VPS41: variants seen among roughly 807,000 people sequenced by gnomAD.
VPS41 encodes the protein VPS41 subunit of HOPS complex.
A neutral mutation model predicts 130.9 loss-of-function variants in VPS41; 85 were observed. The observed-to-expected ratio is 0.65, with a 90% CI of 0.55 to 0.78. VPS41 has a LOEUF of 0.78. VPS41 is among the 30% of genes least tolerant of loss of function. VPS41 has a pLI of 0.00. For synonymous variants in VPS41, 335 were observed against 332.9 expected, an observed-to-expected ratio of 1.01 and a Z score of -0.07; for missense variants, 874 against 1,018.7, an observed-to-expected ratio of 0.86 and a Z score of 1.93.
At chr7:38,837,269 T>C (rs1298700331) in intron 4 of VPS41, among the ~76,000 whole-genome samples, 1 of 151,998 alleles carries the variant, frequency 6.6e-6, no homozygotes, top group Non-Finnish European at 1.5e-5. Context: ...AATCATTTAG[T>C]GGGTGGGGGC....
chr7:38,735,953 T>C (rs1181886253), intron 25 of VPS41, among the ~76,000 whole-genome samples: 1 of 152,096 alleles, frequency 6.6e-6, no homozygotes, highest in Non-Finnish European at 1.5e-5. Flanking sequence ...GATGGACAAT[T>C]TGTCATTTTT....
At chr7:38,766,648 T>C (rs1436482294) in intron 15 of VPS41, among the ~76,000 whole-genome samples, 1 of 152,144 alleles carries the variant, frequency 6.6e-6, no homozygotes, top group Non-Finnish European at 1.5e-5. Flanking sequence ...CCCCACATCA[T>C]GGGAGTGACC....
intron 4 of VPS41, among the ~76,000 whole-genome samples, chr7:38,837,746 T>C (rs1437370100): frequency 2.6e-5 from 4 of 152,210 alleles, no homozygotes; most frequent in Non-Finnish European, 2.9e-5. Flanking sequence ...ACTTACAGTA[T>C]TTGTATATCA....
intron 2 of VPS41, among the ~76,000 whole-genome samples, chr7:38,872,466 C>A (rs970796966): frequency 1.3e-5 from 2 of 152,162 alleles, no homozygotes; most frequent in Admixed American, 1.3e-4. Flanking sequence ...CAGGCTATTT[C>A]GTGTCTACTG....
intron 5 of VPS41, among the ~76,000 whole-genome samples, chr7:38,829,597 G>A (rs1474583303): frequency 6.6e-6 from 1 of 152,158 alleles, no homozygotes; most frequent in Non-Finnish European, 1.5e-5. Flanking sequence ...ATTCTTATAA[G>A]TGGAAAATCA....
rs1795592236 is a variant in VPS41 at position 38,728,490 on chromosome 7, C to T, written c.2404+52G>A. 4 of 1,601,288 alleles carry T rather than the reference C, an allele frequency of 2.5e-6. No homozygotes were observed. In the East Asian group the frequency reaches 8.9e-5, roughly 36 times the overall value. ...TTGGCTAATTCCAAAATTTTGATTCCACTCATCATTAAAATACATGTTTGG... is the reference window on the plus strand; with the variant it reads ...TTGGCTAATTCCAAAATTTTGATTCTACTCATCATTAAAATACATGTTTGG... On this transcript the variant is annotated intron_variant, in intron 27 of 28. Transcript: ENST00000310301.
At position 38,817,937 on chromosome 7, in the gene VPS41, A is replaced by C. The variant is rs368365639; in HGVS notation, c.385-55T>G. The C allele has an allele frequency of 1.1e-3, 1,571 of 1,369,536 alleles. 1 individual carries two copies. Among genetic ancestry groups the C allele is most frequent in the Non-Finnish European group, 1.5e-3 (1,460 of 957,562 alleles). 84.8% of individuals were successfully genotyped at this position (1,369,536 alleles called of 1,614,324 possible). On this transcript the variant is annotated intron_variant, in intron 6 of 28. Transcript: ENST00000310301. ...TTAGGAGTCATGGCCAATGCACAGA[A>C]TGAAAACCCCTGACACAGTTCAAGC...
At chr7:38,821,862 T>C (rs543712646) in intron 5 of VPS41, among the ~76,000 whole-genome samples, 2 of 152,286 alleles carry the variant, frequency 1.3e-5, no homozygotes, top group East Asian at 1.9e-4. Flanking sequence ...ATTAAAACAA[T>C]GAAACAGATT....
intron 2 of VPS41, 102 bp downstream of exon 2, chr7:38,897,988 TA>T: frequency 9.2e-7 from 1 of 1,083,248 alleles, no homozygotes; most frequent in Non-Finnish European, 1.4e-6. Context: ...CGCCCTGCTT[TA>T]CACCCTCAGC....
In VPS41 at chr7:38,737,820, C is replaced by T. The variant is rs116905121; in HGVS notation, c.2259+4165G>A. On this transcript the variant is annotated intron_variant, in intron 25 of 28. Coordinates refer to ENST00000310301, the MANE Select transcript of VPS41 (RefSeq NM_014396.4). ...AAGTTTTGTAATCCTGTGACCCAAA[C>T]CAGTGCCCAAAGCTGAACATCCTGC... Among the ~76,000 whole-genome samples the T allele has an allele frequency of 1.0e-2, 1,522 of 152,250 alleles. 12 individuals are homozygous for T. Among genetic ancestry groups the T allele is most frequent in the Non-Finnish European group, 0.014 (941 of 68,022 alleles).
At chr7:38,833,784 T>C (rs1230688091) in intron 4 of VPS41, among the ~76,000 whole-genome samples, 4 of 152,112 alleles carry the variant, frequency 2.6e-5, no homozygotes, top group African/African-American at 9.7e-5. Flanking sequence ...ACATAAATTC[T>C]TGCAGAGAAA....
At position 38,741,992 on chromosome 7, in the gene VPS41, T is replaced by G; in HGVS notation, c.2252A>C (p.Asn751Thr). 6.2e-7 allele frequency: 1 copy of G among 1,613,126 alleles called. No individual in the cohort carries two copies. The part of the protein sequence containing the change: ...DSLVKILQDY[N>T]LQILLREGCK... Reference sequence around the variant, plus strand: ...CCAAGAAAGGATACTTACTTGCAAATTGTAGTCTTGCAGAATTTTAACCAA... The same window carrying G: ...CCAAGAAAGGATACTTACTTGCAAAGTGTAGTCTTGCAGAATTTTAACCAA... The change falls in exon 25 of 29, where the codon AAT (asparagine) becomes ACT (threonine). Residue 751 changes from asparagine to threonine, a missense_variant. Asn to Thr is a moderately conservative substitution (Grantham distance 65). Coordinates refer to ENST00000310301, the MANE Select transcript of VPS41 (RefSeq NM_014396.4).
At chr7:38,810,973 G>A (rs1312537859) in intron 7 of VPS41, among the ~76,000 whole-genome samples, 1 of 152,054 alleles carries the variant, frequency 6.6e-6, no homozygotes, top group East Asian at 1.9e-4. Flanking sequence ...AGCCAATGTA[G>A]TTATCTCATT....
intron 17 of VPS41, among the ~76,000 whole-genome samples, chr7:38,758,893 C>T (rs1052851108): frequency 1.3e-5 from 2 of 152,200 alleles, no homozygotes; most frequent in African/African-American, 2.4e-5. Flanking sequence ...GAGCTGAACA[C>T]CTGGAGGTTC....
At chr7:38,855,208 CAAAA>C (rs746134361) in intron 4 of VPS41, among the ~76,000 whole-genome samples, 2 of 77,254 alleles carry the variant, frequency 2.6e-5, no homozygotes, top group Non-Finnish European at 2.3e-5. Flanking sequence ...GACTCCCTCT[CAAAA>C]AAAAAAAAAA....
chr7:38,802,878 A>G (rs1346994839), intron 7 of VPS41, among the ~76,000 whole-genome samples: 1 of 152,232 alleles, frequency 6.6e-6, no homozygotes, highest in Non-Finnish European at 1.5e-5. Flanking sequence ...ATACCCTGTA[A>G]TATTGAATTG....
intron 18 of VPS41, 125 bp from the exon 19 acceptor site, chr7:38,757,107 T>C: frequency 1.4e-6 from 1 of 725,810 alleles, no homozygotes; most frequent in South Asian, 1.9e-5. Context: ...TAACTTTATT[T>C]CAAAAAATAT....
intron 21 of VPS41, 69 bp from the exon 22 acceptor site, chr7:38,752,382 T>C: frequency 6.3e-7 from 1 of 1,586,478 alleles, no homozygotes; most frequent in Non-Finnish European, 8.6e-7. Flanking sequence ...AACATTGCTA[T>C]TTTTAGCTCT....
At chr7:38,875,713 T>C (rs1366834044) in intron 2 of VPS41, among the ~76,000 whole-genome samples, 1 of 152,192 alleles carries the variant, frequency 6.6e-6, no homozygotes, top group African/African-American at 2.4e-5. Flanking sequence ...ATGAAGATAA[T>C]GGAATTCATC....
Sources: allele counts gnomAD v4.1 joint callset (sites outside exome capture counted in the v4.1 genomes callset), GRCh38; gene constraint gnomAD v4.1.1; transcripts MANE v1.5; gene names NCBI Gene and HGNC (gene_info 2026-07-23, HGNC 2026-07-21).